KCNQ1: variants seen among roughly 807,000 people sequenced by gnomAD.
The protein encoded by KCNQ1 is potassium voltage-gated channel subfamily KQT member 1.
In KCNQ1, 49 loss-of-function variants were observed where a neutral mutation model predicts 72.4. That is an observed-to-expected ratio of 0.68 (90% confidence interval 0.54 to 0.86). The LOEUF is 0.86. Ranked by LOEUF, KCNQ1 falls within the 40% of genes least tolerant of loss-of-function variation. The pLI, the probability that KCNQ1 is intolerant of heterozygous loss-of-function variation, is 0.00. For missense variants in KCNQ1, 790 were observed against 945.1 expected (o/e 0.84, Z 2.15); for synonymous variants, 450 against 412.6 (o/e 1.09, Z -1.10).
chr11:2,454,102 TGAA>T (rs1846151406), intron 1 of KCNQ1, among the ~76,000 whole-genome samples: 1 of 151,670 alleles, frequency 6.6e-6, no homozygotes, highest in African/African-American at 2.4e-5. Context: ...AAAAGCACAG[TGAA>T]TAAAAATATA....
intron 15 of KCNQ1, among the ~76,000 whole-genome samples, chr11:2,838,791 C>T (rs1024283588): frequency 2.0e-5 from 3 of 152,140 alleles, no homozygotes; most frequent in Non-Finnish European, 2.9e-5. Context: ...GCTGGCTGCC[C>T]GAACAAAGTG....
intron 14 of KCNQ1, 143 bp downstream of exon 14, chr11:2,777,175 A>G (rs1846723605): frequency 1.4e-5 from 12 of 832,236 alleles, no homozygotes; most frequent in Middle Eastern, 2.1e-4. Flanking sequence ...CCAGGGAGTA[A>G]GGGGAGGTAG....
intron 15 of KCNQ1, among the ~76,000 whole-genome samples, chr11:2,846,151 G>T (rs1047553270): frequency 6.6e-6 from 1 of 152,222 alleles, no homozygotes; most frequent in African/African-American, 2.4e-5. Context: ...TGAGGGACCA[G>T]GCCCGCCCGG....
intron 11 of KCNQ1, among the ~76,000 whole-genome samples, chr11:2,722,512 T>C (rs1172606570): frequency 6.6e-6 from 1 of 152,014 alleles, no homozygotes; most frequent in Non-Finnish European, 1.5e-5. Context: ...GGAGGAGCTT[T>C]TTCTAAGGAA....
Position 2,710,845 on chromosome 11 carries a change from C to G in KCNQ1, c.1514+48764C>G, listed in dbSNP as rs189475565. Reference sequence around the variant, plus strand: ...TATTCTATTGATTTGTTTGTCTATCCTTATGCCAGTACTATATCGTCTTGA... The same window carrying G: ...TATTCTATTGATTTGTTTGTCTATCGTTATGCCAGTACTATATCGTCTTGA... On this transcript the variant is annotated intron_variant, in intron 11 of 15. Transcript: ENST00000155840. This position sits in a 1 kb window ranked among gnomAD's most constrained non-coding sequence, Gnocchi z 4.1. Among the ~76,000 whole-genome samples, 8 of 152,266 alleles carry G rather than the reference C, an allele frequency of 5.3e-5. No homozygotes were observed. The highest frequency in any genetic ancestry group is 6.8e-3 in the Middle Eastern group (2 of 294).
In KCNQ1 at chr11:2,663,864, C is replaced by A. The variant is rs188667931; in HGVS notation, c.1514+1783C>A. 2 of 398,546 alleles carry A rather than the reference C, an allele frequency of 5.0e-6. No homozygotes were observed. Among genetic ancestry groups the A allele is most frequent in the African/African-American group, 2.1e-5 (1 of 48,620 alleles). 24.7% of individuals were successfully genotyped at this position (398,546 alleles called of 1,614,324 possible). ...CCAAGCTCCCTGGAGCCAGAGGTTA[C>A]CCACCTGCCCAAGGGTGACCCCAAG... On this transcript the variant is annotated intron_variant, in intron 11 of 15. Transcript: ENST00000155840. The surrounding 1 kb of genome is among the most constrained non-coding windows in gnomAD (Gnocchi z 5.2).
intron 2 of KCNQ1, among the ~76,000 whole-genome samples, chr11:2,539,430 C>T (rs543298910): frequency 2.6e-5 from 4 of 152,338 alleles, no homozygotes; most frequent in African/African-American, 7.2e-5. Context: ...GCTAGGCAGG[C>T]GCTGGCATCT....
At chr11:2,512,751 T>C (rs1381887338) in intron 1 of KCNQ1, among the ~76,000 whole-genome samples, 1 of 152,180 alleles carries the variant, frequency 6.6e-6, no homozygotes, top group Non-Finnish European at 1.5e-5. Context: ...CCACTGGTCA[T>C]GGAGGCTGGG....
intron 15 of KCNQ1, among the ~76,000 whole-genome samples, chr11:2,822,786 G>T (rs1847764780): frequency 1.3e-5 from 2 of 152,210 alleles, no homozygotes; most frequent in Admixed American, 1.3e-4. Flanking sequence ...AGGATGTGAG[G>T]CAAGGGAGCA....
In KCNQ1 at chr11:2,847,942, A is replaced by C. The variant is rs552087428; in HGVS notation, c.1970A>C (p.Asn657Thr). The part of the protein sequence containing the change: ...SVDPELFLPS[N>T]TLPTYEQLTV... ...GACCCTGAGCTCTTCCTGCCCAGCA[A>C]CACCCTGCCCACCTACGAGCAGCTG... The change falls in exon 16 of 16, where the codon AAC becomes ACC. Residue 657 changes from asparagine to threonine, a missense_variant. Coordinates refer to ENST00000155840, the MANE Select transcript of KCNQ1 (RefSeq NM_000218.3). 6.4e-7 allele frequency: 1 copy of C among 1,573,664 alleles called. No homozygotes were observed. Among genetic ancestry groups the C allele is most frequent in the South Asian group, 1.2e-5 (1 of 86,106 alleles).
intron 11 of KCNQ1, chr11:2,672,472 G>C: frequency 5.0e-6 from 2 of 398,630 alleles, no homozygotes; most frequent in Non-Finnish European, 8.8e-6. Context: ...CCTTCCCTAA[G>C]GTCCCCACAT....
At chr11:2,709,043 A>G (rs1590045633) in intron 11 of KCNQ1, among the ~76,000 whole-genome samples, 1 of 151,926 alleles carries the variant, frequency 6.6e-6, no homozygotes, top group Non-Finnish European at 1.5e-5. Context: ...TGTGCAAATT[A>G]CCTTTGGGGC....
At chr11:2,814,480 AATGG>A (rs1488051873) in intron 15 of KCNQ1, among the ~76,000 whole-genome samples, 1 of 149,942 alleles carries the variant, frequency 6.7e-6, no homozygotes, top group Non-Finnish European at 1.5e-5. Context: ...GTGGTGAATG[AATGG>A]ATGGATGGGG....
In KCNQ1 at chr11:2,847,832, C is replaced by T. The variant is rs139893266; in HGVS notation, c.1860C>T (p.His620=). 1,126 of 1,568,614 alleles carry T rather than the reference C, an allele frequency of 7.2e-4. 3 individuals are homozygous for T. Among genetic ancestry groups the T allele is most frequent in the East Asian group, 1.9e-3 (80 of 42,374 alleles). Residue 620 remains histidine, a synonymous_variant, in exon 16 of 16, where the codon CAC becomes CAT. Coordinates refer to ENST00000155840, the MANE Select transcript of KCNQ1 (RefSeq NM_000218.3). ...TDMLHQLLSL[H]GGSTPGSGGP... ...TGCTTCACCAGCTGCTCTCCTTGCA[C>T]GGTGGCAGCACCCCCGGCAGCGGCG... is the stretch of plus-strand genomic sequence containing the variant.
At chr11:2,575,433 G>T (rs1253313026) in intron 6 of KCNQ1, among the ~76,000 whole-genome samples, 3 of 152,212 alleles carry the variant, frequency 2.0e-5, no homozygotes, top group Non-Finnish European at 4.4e-5. Flanking sequence ...TGTCTGGGGG[G>T]AGCGGCCCCT....
rs183069955 is a variant in KCNQ1 at position 2,666,642 on chromosome 11, T to C, written c.1514+4561T>C. 51 of 398,688 alleles carry C rather than the reference T, an allele frequency of 1.3e-4. 1 individual carries two copies. In the East Asian group the frequency reaches 1.5e-3, roughly 12 times the overall value. The allele number at this position is 398,688 out of a possible 1,614,324, so 24.7% of individuals were successfully genotyped here. On this transcript the variant is annotated intron_variant, in intron 11 of 15. Transcript: ENST00000155840. ...AAGGGTGGCCCCAAATTTGGCTTCA[T>C]GGACCAAGGGGCTAGCTCTTTTGAT... is the stretch of plus-strand genomic sequence containing the variant.
rs1845726441 is a variant in KCNQ1, at chr11:2,724,661, C to T, written c.1515-44183C>T. On this transcript the variant is annotated intron_variant, in intron 11 of 15. Coordinates refer to ENST00000155840, the MANE Select transcript of KCNQ1 (RefSeq NM_000218.3). The surrounding 1 kb of genome is among the most constrained non-coding windows in gnomAD (Gnocchi z 6.8). ...AGCCTTGCCCTTCCCTCTCACTTCG[C>T]TCCCCAGGAGGCGACACTGTGATTG... is the stretch of plus-strand genomic sequence containing the variant. Among the ~76,000 whole-genome samples, 1 of 152,220 alleles carries T rather than the reference C, an allele frequency of 6.6e-6. No homozygotes were observed. The highest frequency in any genetic ancestry group is 2.4e-5 in the African/African-American group (1 of 41,454).
chr11:2,576,436 G>A (rs1480982775), intron 6 of KCNQ1, among the ~76,000 whole-genome samples: 6 of 152,260 alleles, frequency 3.9e-5, no homozygotes, highest in Non-Finnish European at 5.9e-5. Flanking sequence ...TTGTGTTAAA[G>A]TTTGAGTGGA....
chr11:2,622,938 G>A (rs1461437983), intron 10 of KCNQ1: 1 of 398,440 alleles, frequency 2.5e-6, no homozygotes, highest in African/African-American at 2.1e-5. Context: ...TACATTCTGT[G>A]GGTTTCTACA....
Sources: allele counts gnomAD v4.1 joint callset (sites outside exome capture counted in the v4.1 genomes callset), GRCh38; gene constraint gnomAD v4.1.1; non-coding constraint Gnocchi (gnomAD v3.1); transcripts MANE v1.5; gene names NCBI Gene and HGNC (gene_info 2026-07-23, HGNC 2026-07-21).